AMD1: variants seen among roughly 807,000 people sequenced by gnomAD.
AMD1 encodes S-adenosylmethionine decarboxylase proenzyme.
AMD1 carries 11 observed loss-of-function variants against 40.2 expected under a neutral mutation model. The ratio of observed to expected loss-of-function variants is 0.27; its 90% confidence interval spans 0.17 to 0.45. AMD1 has a LOEUF of 0.45. Among genes scored for constraint, AMD1 ranks in the 20% least tolerant of loss-of-function variants. The pLI is 1.00. For synonymous variants in AMD1, 121 were observed against 130.8 expected, an observed-to-expected ratio of 0.93 and a Z score of 0.51; for missense variants, 257 against 410.2, an observed-to-expected ratio of 0.63 and a Z score of 3.23.
chr6:110,857,588 T>G, the AMD1 span, among the ~76,000 whole-genome samples: 1 of 138,568 alleles, frequency 7.2e-6, no homozygotes, highest in Admixed American at 7.1e-5. Context: ...TATATATATA[T>G]AGATGGTATA....
chr6:110,840,945 G>C, the AMD1 span, among the ~76,000 whole-genome samples: 1 of 152,178 alleles, frequency 6.6e-6, no homozygotes, highest in Non-Finnish European at 1.5e-5. Flanking sequence ...TTATACCACA[G>C]GCACTGTCAT....
At chr6:110,827,565 G>A in the AMD1 span, among the ~76,000 whole-genome samples, 1 of 152,026 alleles carries the variant, frequency 6.6e-6, no homozygotes, top group African/African-American at 2.4e-5. Context: ...AGGAGTTTGA[G>A]ACCAGCCTGG....
At chr6:110,857,675 G>T in the AMD1 span, among the ~76,000 whole-genome samples, 1 of 115,620 alleles carries the variant, frequency 8.6e-6, no homozygotes, top group Non-Finnish European at 1.7e-5. Context: ...TATACAGATG[G>T]CATATATATA....
the AMD1 span, chr6:110,848,801 A>T: frequency 4.6e-6 from 1 of 217,946 alleles, no homozygotes; most frequent in South Asian, 6.3e-5. Context: ...CAGGAGTTCA[A>T]GACGAGCCTG....
chr6:110,829,082 A>G, the AMD1 span, among the ~76,000 whole-genome samples: 1 of 151,888 alleles, frequency 6.6e-6, no homozygotes, highest in East Asian at 1.9e-4. Flanking sequence ...AGGCAGGAGA[A>G]TCATTTGAAC....
At chr6:110,843,197 T>G in the AMD1 span, among the ~76,000 whole-genome samples, 3 of 151,854 alleles carry the variant, frequency 2.0e-5, no homozygotes, top group Admixed American at 2.0e-4. Context: ...GTATGGTGGT[T>G]CACGCCTGAA....
chr6:110,868,607 T>C, the AMD1 span, among the ~76,000 whole-genome samples: 2 of 152,294 alleles, frequency 1.3e-5, no homozygotes, highest in South Asian at 4.1e-4. Flanking sequence ...TAAACTGAAA[T>C]ACAGTACTGA....
intron 7 of AMD1, 29 bp downstream of exon 7, chr6:110,892,856 T>G: frequency 6.2e-7 from 1 of 1,613,562 alleles, no homozygotes; most frequent in Non-Finnish European, 8.5e-7. Flanking sequence ...CTTCAATAAT[T>G]ATTTAAATGT....
chr6:110,821,622 G>C, the AMD1 span, among the ~76,000 whole-genome samples: 2 of 151,922 alleles, frequency 1.3e-5, no homozygotes, highest in South Asian at 4.2e-4. Flanking sequence ...AAAAAAAGAA[G>C]AAGAAGAAAG....
chr6:110,861,773 C>G, the AMD1 span, among the ~76,000 whole-genome samples: 1 of 151,920 alleles, frequency 6.6e-6, no homozygotes, highest in African/African-American at 2.4e-5. Flanking sequence ...ACCTGGGAGG[C>G]TGAGGTTGCA....
At chr6:110,822,774 A>C in the AMD1 span, among the ~76,000 whole-genome samples, 4 of 152,224 alleles carry the variant, frequency 2.6e-5, no homozygotes, top group Non-Finnish European at 5.9e-5. Context: ...GGAATGGTTC[A>C]ATATACACAA....
intron 1 of AMD1, among the ~76,000 whole-genome samples, chr6:110,887,132 C>CT (rs78833445): frequency 0.037 from 5,519 of 151,086 alleles, 345 homozygotes; most frequent in East Asian, 0.33. Flanking sequence ...TTATGCTCTT[C>CT]TTTTTTTTTA....
the AMD1 span, among the ~76,000 whole-genome samples, chr6:110,834,861 A>G: frequency 6.6e-6 from 1 of 150,828 alleles, no homozygotes; most frequent in Non-Finnish European, 1.5e-5. Context: ...AGGCAGGAGA[A>G]TCACTTCAAC....
chr6:110,855,208 A>G, the AMD1 span, among the ~76,000 whole-genome samples: 1 of 150,890 alleles, frequency 6.6e-6, no homozygotes, highest in Non-Finnish European at 1.5e-5. Flanking sequence ...CCAGCTTTTT[A>G]AGAACCTTGA....
chr6:110,880,027 C>CT lies in AMD1; in HGVS notation c.110+4813dup, dbSNP rs764588040. Among the ~76,000 whole-genome samples the CT allele has an allele frequency of 1.1e-4, 16 of 151,818 alleles. 1 individual carries two copies. Among genetic ancestry groups the CT allele is most frequent in the Admixed American group, 9.2e-4 (14 of 15,240 alleles). ...TTCGAGTGCAGTGGTGCCATCTCAG[C>CT]TCACTGCAACCTCCGCCTCCCAGGT... On this transcript the variant is annotated intron_variant, in intron 1 of 8. Coordinates refer to ENST00000368885, the MANE Select transcript of AMD1 (RefSeq NM_001634.6).
the AMD1 span, among the ~76,000 whole-genome samples, chr6:110,821,770 T>C: frequency 7.9e-5 from 12 of 152,196 alleles, no homozygotes; most frequent in Non-Finnish European, 1.3e-4. Flanking sequence ...AAATGAATAA[T>C]AGTGACATAA....
At position 110,894,832 on chromosome 6, in the gene AMD1, T is replaced by G. The variant is rs945154282; in HGVS notation, c.*1216T>G. ...GTGTTCCGACTTCATCTGTTCCTCT[T>G]AACTACGGTGTTTCCCTTACCATGG... On this transcript the variant is annotated 3_prime_UTR_variant, in exon 9 of 9. Coordinates refer to ENST00000368885, the MANE Select transcript of AMD1 (RefSeq NM_001634.6). 6.6e-6 allele frequency: 1 copy of G among 152,182 alleles called. No individual in the cohort carries two copies. The highest frequency in any genetic ancestry group is 2.4e-5 in the African/African-American group (1 of 41,442). The allele number at this position is 152,182 out of a possible 1,614,324, so 9.4% of individuals were successfully genotyped here. A position where few individuals can be genotyped will look rare whatever the true frequency, so the allele number is the denominator to read the frequency against.
At chr6:110,815,165 C>A in the AMD1 span, 2 of 1,554,776 alleles carry the variant, frequency 1.3e-6, no homozygotes, top group African/African-American at 2.8e-5. Flanking sequence ...AGGCACGGGA[C>A]GCGGGGGCCG....
the AMD1 span, among the ~76,000 whole-genome samples, chr6:110,828,838 C>T: frequency 6.6e-6 from 1 of 152,132 alleles, no homozygotes; most frequent in Non-Finnish European, 1.5e-5. Context: ...TCTTACCTCC[C>T]CTCAACTAGG....
Sources: gnomAD v4.1 joint callset for allele counts (sites outside exome capture counted in the v4.1 genomes callset) on GRCh38, gnomAD v4.1.1 for gene constraint, MANE v1.5 for transcripts, NCBI Gene and HGNC (gene_info 2026-07-23, HGNC 2026-07-21) for gene names.